PASD1: variants seen among roughly 807,000 people sequenced by gnomAD.
The protein encoded by PASD1 is circadian clock protein PASD1.
A neutral mutation model predicts 58.8 loss-of-function variants in PASD1; 13 were observed. The ratio of observed to expected loss-of-function variants is 0.22; its 90% confidence interval spans 0.14 to 0.35. The LOEUF is 0.35. Among genes scored for constraint, PASD1 ranks in the 10% least tolerant of loss-of-function variants. The probability of loss-of-function intolerance (pLI) is 1.00; values close to 1 mark genes in which losing one functional copy is unlikely to be tolerated. For missense variants in PASD1, 734 were observed against 568.3 expected, an observed-to-expected ratio of 1.29 and a Z score of -2.96; for synonymous variants, 236 against 216.7, an observed-to-expected ratio of 1.09 and a Z score of -0.78.
At chrX:151,608,001 G>C (rs1180106493) in intron 3 of PASD1, among the ~76,000 whole-genome samples, 2 of 111,450 alleles carry the variant, frequency 1.8e-5, no homozygotes, top group Non-Finnish European at 3.8e-5. Context: ...GAACGTTTTT[G>C]TTCATATATC....
intron 8 of PASD1, among the ~76,000 whole-genome samples, chrX:151,631,852 G>A (rs2013872961): frequency 8.9e-6 from 1 of 111,966 alleles, no homozygotes; most frequent in Non-Finnish European, 1.9e-5. Flanking sequence ...CATTCCTTAT[G>A]TCTGTCCCAT....
At chrX:151,669,223 A>G (rs1425123469) in intron 11 of PASD1, among the ~76,000 whole-genome samples, 1 of 105,418 alleles carries the variant, frequency 9.5e-6, no homozygotes, top group African/African-American at 3.4e-5. Flanking sequence ...GTTTAGTGCC[A>G]ATTGATGGTT....
At chrX:151,657,925 G>C (rs2014266849) in intron 9 of PASD1, among the ~76,000 whole-genome samples, 1 of 109,901 alleles carries the variant, frequency 9.1e-6, no homozygotes, top group Admixed American at 9.7e-5. Flanking sequence ...AAGCCCTATG[G>C]CCTTTCCCCC....
chrX:151,642,560 C>T (rs1321887353), intron 8 of PASD1, among the ~76,000 whole-genome samples: 1 of 111,984 alleles, frequency 8.9e-6, no homozygotes, highest in Non-Finnish European at 1.9e-5. Flanking sequence ...ATGAATGTTT[C>T]TAGTTCATGC....
intron 8 of PASD1, among the ~76,000 whole-genome samples, chrX:151,644,532 C>T (rs999112566): frequency 3.6e-5 from 4 of 111,346 alleles, no homozygotes; most frequent in Admixed American, 2.9e-4. Flanking sequence ...TGCAGGAAGA[C>T]GTTTTCTAGG....
At chrX:151,601,732 C>T in intron 2 of PASD1, 151 bp downstream of exon 2, 1 of 514,387 alleles carries the variant, frequency 1.9e-6, no homozygotes, top group Non-Finnish European at 3.3e-6. Flanking sequence ...TCATAACTCT[C>T]AGCTCCAGCT....
intron 1 of PASD1, among the ~76,000 whole-genome samples, chrX:151,591,059 G>T (rs2013239879): frequency 8.9e-6 from 1 of 111,750 alleles, no homozygotes. Flanking sequence ...CTCTAGAAAA[G>T]GTTGGTATTG....
In PASD1 at chrX:151,657,090, G is replaced by A. The variant is rs140267976; in HGVS notation, c.718-2623G>A. 7.0e-3 allele frequency among the ~76,000 whole-genome samples: 780 copies of A among 111,650 alleles called. 4 individuals carry two copies. Among genetic ancestry groups the A allele is most frequent in the Middle Eastern group, 0.018 (4 of 217 alleles). On this transcript the variant is annotated intron_variant, in intron 9 of 15. Transcript: ENST00000370357. ...GAAGGGCTGTTGAATTTTGTCAAAG[G>A]CCTTTTCTGCATCTATTGAGATAAC...
At position 151,629,157 on chromosome X, in the gene PASD1, T is replaced by C. The variant is rs749871394; in HGVS notation, c.629+3627T>C. ...TTTTTTGAGATGGAGTCTCACTCTGTCGCCCAGGCTGGAATGCAGTGGTGC... is the reference window on the plus strand; with the variant it reads ...TTTTTTGAGATGGAGTCTCACTCTGCCGCCCAGGCTGGAATGCAGTGGTGC... On this transcript the variant is annotated intron_variant, in intron 8 of 15. Transcript: ENST00000370357. Among the ~76,000 whole-genome samples, 5 of 111,621 alleles carry C rather than the reference T, an allele frequency of 4.5e-5. No individual in the cohort carries two copies. The South Asian group carries it at 1.9e-3, about 43-fold the overall frequency.
At chrX:151,636,762 A>G (rs112160206) in intron 8 of PASD1, among the ~76,000 whole-genome samples, 1 of 109,202 alleles carries the variant, frequency 9.2e-6, no homozygotes, top group African/African-American at 3.3e-5. Flanking sequence ...TGTGCAGTAA[A>G]TTTTTTTTTT....
chrX:151,571,010 G>A (rs1220358472), intron 1 of PASD1, among the ~76,000 whole-genome samples: 1 of 111,722 alleles, frequency 9.0e-6, no homozygotes, highest in East Asian at 2.8e-4. Flanking sequence ...TCTCTCCTTT[G>A]TCCAAAGGCC....
chrX:151,581,922 C>G (rs748460822), intron 1 of PASD1, among the ~76,000 whole-genome samples: 115 of 107,316 alleles, frequency 1.1e-3, no homozygotes, highest in African/African-American at 3.4e-3. Flanking sequence ...GAAAATTTCT[C>G]TAGGAGGTGT....
chrX:151,621,614 A>T (rs995082082), intron 6 of PASD1, 22 bp downstream of exon 6: 1 of 1,069,993 alleles, frequency 9.3e-7, no homozygotes, highest in Non-Finnish European at 1.3e-6. Flanking sequence ...TGTTTATCTT[A>T]TCTATATGAC....
At chrX:151,604,804 T>G (rs1171997266) in intron 3 of PASD1, 70 bp downstream of exon 3, 9 of 872,679 alleles carry the variant, frequency 1.0e-5, no homozygotes, top group Non-Finnish European at 1.3e-5. Flanking sequence ...AGAATAGTGT[T>G]TGTCAAAGTG....
At chrX:151,595,486 A>G (rs1336418407) in intron 1 of PASD1, among the ~76,000 whole-genome samples, 1 of 110,441 alleles carries the variant, frequency 9.1e-6, no homozygotes, top group African/African-American at 3.3e-5. Flanking sequence ...TGGGAGGCTG[A>G]GGCGGGCGGA....
chrX:151,676,289 TG>T lies in PASD1; in HGVS notation c.*147del. On this transcript the variant is annotated 3_prime_UTR_variant, in exon 16 of 16. Transcript: ENST00000370357. The stretch of plus-strand genomic sequence containing the variant: ...GACTTATTTGTTTCCTGATAGGTTA[TG>T]TTTGTAATTGTTTGTTAAGCACAGC... 1 of 564,832 alleles carries T rather than the reference TG, an allele frequency of 1.8e-6. No homozygotes were observed. Among genetic ancestry groups the T allele is most frequent in the East Asian group, 3.8e-5 (1 of 26,633 alleles). 46.5% of individuals were successfully genotyped at this position (564,832 alleles called of 1,213,427 possible). A position where few individuals can be genotyped will look rare whatever the true frequency, so the allele number is the denominator to read the frequency against.
chrX:151,629,241 T>C (rs894416758), intron 8 of PASD1, among the ~76,000 whole-genome samples: 1 of 111,300 alleles, frequency 9.0e-6, no homozygotes, highest in African/African-American at 3.3e-5. Flanking sequence ...TGCCTCAGCC[T>C]CCTGAGTAGC....
chrX:151,622,586 T>TACAC (rs202044764), intron 6 of PASD1, among the ~76,000 whole-genome samples: 3,433 of 96,654 alleles, frequency 0.036, 68 homozygotes, highest in African/African-American at 0.073. Context: ...GTGCACAGAT[T>TACAC]ACACACACAC....
intron 10 of PASD1, among the ~76,000 whole-genome samples, chrX:151,662,533 T>G (rs887068625): frequency 9.0e-6 from 1 of 111,428 alleles, no homozygotes; most frequent in Non-Finnish European, 1.9e-5. Flanking sequence ...TGTCACTACT[T>G]CTAAACCCTC....
Sources: gnomAD v4.1 joint callset for allele counts (sites outside exome capture counted in the v4.1 genomes callset) on GRCh38, gnomAD v4.1.1 for gene constraint, MANE v1.5 for transcripts, NCBI Gene and HGNC (gene_info 2026-07-23, HGNC 2026-07-21) for gene names.